The following PTCHD1 variants were observed in gnomAD, a reference collection of about 807,000 sequenced individuals.
PTCHD1 encodes patched domain-containing protein 1.
Under a neutral mutation model 34.6 loss-of-function variants are expected in PTCHD1, and 3 were observed. The observed-to-expected ratio is 0.09, with a 90% CI of 0.04 to 0.22. The LOEUF is 0.22. Ranked by LOEUF, PTCHD1 falls within the 10% of genes least tolerant of loss-of-function variation. The pLI, the probability that PTCHD1 is intolerant of heterozygous loss-of-function variation, is 1.00. For missense variants in PTCHD1, 504 were observed against 685.5 expected, an observed-to-expected ratio of 0.74 and a Z score of 2.96; for synonymous variants, 305 against 283.1, an observed-to-expected ratio of 1.08 and a Z score of -0.77.
At chrX:23,341,232 TAGGAA>T (rs774863919) in intron 1 of PTCHD1, among the ~76,000 whole-genome samples, 5 of 111,774 alleles carry the variant, frequency 4.5e-5, no homozygotes, top group African/African-American at 1.6e-4. Flanking sequence ...ATATTAGAGT[TAGGAA>T]AGGATGATTC....
chrX:23,383,524 A>G (rs943828955), intron 2 of PTCHD1, among the ~76,000 whole-genome samples: 5 of 112,093 alleles, frequency 4.5e-5, no homozygotes, highest in African/African-American at 1.6e-4. Context: ...AGTTCACCAT[A>G]ATGGGATGTG....
rs1266399158 is a variant in PTCHD1, at chrX:23,401,213, G to A, written c.*7028G>A. 1 of 112,173 alleles carries A rather than the reference G, an allele frequency of 8.9e-6. No homozygotes were observed. Among genetic ancestry groups the A allele is most frequent in the Non-Finnish European group, 1.9e-5 (1 of 53,235 alleles). 9.2% of individuals were successfully genotyped at this position (112,173 alleles called of 1,213,427 possible). A position where few individuals can be genotyped will look rare whatever the true frequency, so the allele number is the denominator to read the frequency against. ...TTCATTAGGATCAACAAAGTGCTTT[G>A]TCTAATTCCTGCAAAATGGCAAAGA... On this transcript the variant is annotated 3_prime_UTR_variant, in exon 3 of 3. Transcript: ENST00000379361.
At chrX:23,382,708 T>TA (rs1476266889) in intron 2 of PTCHD1, among the ~76,000 whole-genome samples, 1 of 112,971 alleles carries the variant, frequency 8.9e-6, no homozygotes, top group East Asian at 2.8e-4. Flanking sequence ...TGAGGAATGT[T>TA]ACGTGCATTG....
chrX:23,377,547 G>A (rs952692020), intron 1 of PTCHD1, among the ~76,000 whole-genome samples: 2 of 108,422 alleles, frequency 1.8e-5, no homozygotes, highest in Non-Finnish European at 3.8e-5. Flanking sequence ...TTTAGCATAT[G>A]ATTAGGCTGT....
intron 2 of PTCHD1, among the ~76,000 whole-genome samples, chrX:23,385,341 C>G (rs1390546207): frequency 9.0e-6 from 1 of 111,268 alleles, no homozygotes; most frequent in Non-Finnish European, 1.9e-5. Flanking sequence ...AAGACAGGAA[C>G]AGGACTTGGG....
At chrX:23,355,439 T>G (rs1367289549) in intron 1 of PTCHD1, among the ~76,000 whole-genome samples, 1 of 112,906 alleles carries the variant, frequency 8.9e-6, no homozygotes, top group Non-Finnish European at 1.9e-5. Context: ...TTAGGACATT[T>G]TTGCTCCTTT....
chrX:23,381,342 G>A (rs1004460238), intron 2 of PTCHD1, among the ~76,000 whole-genome samples: 3 of 112,360 alleles, frequency 2.7e-5, no homozygotes, highest in South Asian at 3.7e-4. Flanking sequence ...GGGTTCTTGC[G>A]GGCCAAGGAT....
chrX:23,374,313 A>G lies in PTCHD1; in HGVS notation c.352-5278A>G, dbSNP rs1406321234. Among the ~76,000 whole-genome samples the G allele has an allele frequency of 2.1e-4, 21 of 99,206 alleles. 1 individual carries two copies. The highest frequency in any genetic ancestry group is 7.0e-4 in the African/African-American group (19 of 27,310). The allele number at this position is 99,206 out of a possible 115,157, so 86.1% of individuals were successfully genotyped here. A position where few individuals can be genotyped will look rare whatever the true frequency, so the allele number is the denominator to read the frequency against. The stretch of plus-strand genomic sequence containing the variant: ...AAAAAAAAAAAAAAAAAAAAAACCC[A>G]AAACCCTGCAAGGTATTGTATAAGA... On this transcript the variant is annotated intron_variant, in intron 1 of 2. Transcript: ENST00000379361.
intron 1 of PTCHD1, among the ~76,000 whole-genome samples, chrX:23,368,607 G>A (rs1047938421): frequency 6.3e-5 from 7 of 111,789 alleles, no homozygotes; most frequent in Non-Finnish European, 9.4e-5. Flanking sequence ...AAAACTCCCC[G>A]TGGGGAGAGA....
rs753395256 is a variant in PTCHD1, at chrX:23,393,505, G to C, written c.1987G>C (p.Asp663His). The C allele has an allele frequency of 1.4e-5, 17 of 1,211,387 alleles. No individual in the cohort carries two copies. The highest frequency in any genetic ancestry group is 1.9e-5 in the Non-Finnish European group (17 of 895,073). The change falls in exon 3 of 3, where the codon GAT becomes CAT. Residue 663 changes from aspartate (D) to histidine (H), a missense_variant. Coordinates refer to ENST00000379361, the MANE Select transcript of PTCHD1 (RefSeq NM_173495.3). ...GGAAACAAACAGAGAAGAACTCTAT[G>C]ATCTCTTGGAAACCCTGAGGAGACT... is the stretch of plus-strand genomic sequence containing the variant. ...TMETNREELYDLLETLRRLSV... is the reference protein window; with the variant it reads ...TMETNREELYHLLETLRRLSV...
intron 1 of PTCHD1, among the ~76,000 whole-genome samples, chrX:23,372,182 T>G (rs371155807): frequency 2.0e-5 from 2 of 100,950 alleles, no homozygotes; most frequent in African/African-American, 7.2e-5. Flanking sequence ...CATACTAGTG[T>G]TTTTTTTTTT....
At chrX:23,358,829 G>A (rs1921888489) in intron 1 of PTCHD1, among the ~76,000 whole-genome samples, 1 of 112,041 alleles carries the variant, frequency 8.9e-6, no homozygotes, top group Non-Finnish European at 1.9e-5. Context: ...TTTGTATAAG[G>A]TGTAAGGAAG....
At chrX:23,353,326 C>T (rs1356220743) in intron 1 of PTCHD1, among the ~76,000 whole-genome samples, 2 of 112,651 alleles carry the variant, frequency 1.8e-5, no homozygotes, top group Non-Finnish European at 3.8e-5. Context: ...GTGGCTCATG[C>T]CTGTAATCCC....
rs12014412 is a variant in PTCHD1 at position 23,334,968 on chromosome X, G to A, written c.93G>A (p.Ala31=). 27,574 of 1,207,082 alleles carry A rather than the reference G, an allele frequency of 0.023. 346 individuals are homozygous for A. The highest frequency in any genetic ancestry group is 0.075 in the African/African-American group (4,246 of 56,898). ...IASHPVFFAS[A]PVLISILLGA... ...GTCACCCTGTCTTCTTCGCCTCGGC[G>A]CCGGTGCTCATCTCCATCCTGCTCG... The change falls in exon 1 of 3, where the codon GCG becomes GCA. Residue 31 remains alanine (A), a synonymous_variant. Coordinates refer to ENST00000379361, the MANE Select transcript of PTCHD1 (RefSeq NM_173495.3).
In PTCHD1 at chrX:23,380,190, C is replaced by T; in HGVS notation, c.951C>T (p.Ile317=). 1 of 1,209,418 alleles carries T rather than the reference C, an allele frequency of 8.3e-7. No homozygotes were observed. The highest frequency in any genetic ancestry group is 2.2e-5 in the Admixed American group (1 of 45,810). ...ISLATLTAAG[I]INLTGGKYNS... The stretch of plus-strand genomic sequence containing the variant: ...TGGCCACTCTCACTGCAGCCGGGAT[C>T]ATCAATCTTACTGGTGGGAAATATA... The change falls in exon 2 of 3, where the codon ATC becomes ATT. Residue 317 remains isoleucine (I), a synonymous_variant. Transcript: ENST00000379361.
chrX:23,355,084 G>C (rs1331453745), intron 1 of PTCHD1, among the ~76,000 whole-genome samples: 3 of 110,274 alleles, frequency 2.7e-5, no homozygotes, highest in African/African-American at 3.3e-5. Flanking sequence ...TATGGAGTGT[G>C]GTTGCTCCTA....
At chrX:23,374,779 C>G (rs1235078968) in intron 1 of PTCHD1, among the ~76,000 whole-genome samples, 2 of 111,652 alleles carry the variant, frequency 1.8e-5, no homozygotes, top group Non-Finnish European at 3.8e-5. Flanking sequence ...CACCTGGTGT[C>G]TGATTATGTA....
At chrX:23,354,496 AATAT>A (rs142123920) in intron 1 of PTCHD1, among the ~76,000 whole-genome samples, 20,731 of 95,654 alleles carry the variant, frequency 0.22, 2,650 homozygotes, top group East Asian at 0.44. Flanking sequence ...GAAGTACACA[AATAT>A]ATATATATAT....
intron 1 of PTCHD1, among the ~76,000 whole-genome samples, chrX:23,354,803 C>A (rs1921757183): frequency 9.2e-6 from 1 of 109,187 alleles, no homozygotes; most frequent in African/African-American, 3.3e-5. Context: ...GATCTCTTGA[C>A]CTCGTGATCA....
Sources: gnomAD v4.1 joint callset for allele counts (sites outside exome capture counted in the v4.1 genomes callset) on GRCh38, gnomAD v4.1.1 for gene constraint, MANE v1.5 for transcripts, NCBI Gene and HGNC (gene_info 2026-07-23, HGNC 2026-07-21) for gene names.